The following GDI2 variants were observed in gnomAD, a reference collection of about 807,000 sequenced individuals.
GDI2 encodes the protein GDP dissociation inhibitor 2.
Under a neutral mutation model 54.2 loss-of-function variants are expected in GDI2, and 22 were observed. The observed-to-expected ratio is 0.41, with a 90% confidence interval of 0.29 to 0.58. GDI2 has a LOEUF of 0.58. Among genes scored for constraint, GDI2 ranks in the 20% least tolerant of loss-of-function variants. The probability of loss-of-function intolerance (pLI) is 0.35; values close to 1 mark genes in which losing one functional copy is unlikely to be tolerated. For missense variants in GDI2, 422 were observed against 546.0 expected (o/e 0.77, Z 2.26); for synonymous variants, 177 against 182.1 (o/e 0.97, Z 0.23).
At chr10:5,808,152 C>T (rs537301963) in intron 1 of GDI2, among the ~76,000 whole-genome samples, 5 of 152,172 alleles carry the variant, frequency 3.3e-5, no homozygotes, top group Non-Finnish European at 7.4e-5. Context: ...GCCTGGACAA[C>T]ATGGCAAAAC....
At chr10:5,812,877 C>G (rs531867477) in intron 1 of GDI2, among the ~76,000 whole-genome samples, 4 of 152,328 alleles carry the variant, frequency 2.6e-5, no homozygotes, top group African/African-American at 9.6e-5. Flanking sequence ...CGGCCCAAAC[C>G]GGGGAGCGGG....
chr10:5,794,189 ATAT>A (rs564854298), intron 4 of GDI2, among the ~76,000 whole-genome samples: 1,184 of 33,760 alleles, frequency 0.035, 13 homozygotes, highest in Non-Finnish European at 0.042. Flanking sequence ...AAAAAAAAAA[ATAT>A]ATATATATAT....
Position 5,766,389 on chromosome 10 carries a change from G to T in GDI2, c.1137-94C>A. On this transcript the variant is annotated intron_variant, in intron 9 of 10. Coordinates refer to ENST00000380191, the MANE Select transcript of GDI2 (RefSeq NM_001494.4). The surrounding 1 kb of genome is among the most constrained non-coding windows in gnomAD (Gnocchi z 5.8). ...CTGAGAGGTACAGATGAATCCCACAGAGCAGCCAGCAGCTACCTGCCTTGC... is the reference window on the plus strand; with the variant it reads ...CTGAGAGGTACAGATGAATCCCACATAGCAGCCAGCAGCTACCTGCCTTGC... The T allele has an allele frequency of 6.7e-7, 1 of 1,500,194 alleles. No homozygotes were observed. Among genetic ancestry groups the T allele is most frequent in the Non-Finnish European group, 9.3e-7 (1 of 1,076,458 alleles). 92.9% of individuals were successfully genotyped at this position (1,500,194 alleles called of 1,614,324 possible). A position where few individuals can be genotyped will look rare whatever the true frequency, so the allele number is the denominator to read the frequency against.
At chr10:5,802,753 C>A (rs184687106) in intron 1 of GDI2, among the ~76,000 whole-genome samples, 1 of 152,184 alleles carries the variant, frequency 6.6e-6, no homozygotes, top group African/African-American at 2.4e-5. Context: ...ACATTAAGAC[C>A]CACTTTACTC....
chr10:5,797,406 A>G (rs780046748), intron 2 of GDI2, among the ~76,000 whole-genome samples: 27 of 152,020 alleles, frequency 1.8e-4, no homozygotes, highest in Non-Finnish European at 3.7e-4. Flanking sequence ...TTAGCCAGGT[A>G]TGGTGGCAGA....
intron 1 of GDI2, among the ~76,000 whole-genome samples, chr10:5,808,411 C>T (rs902934502): frequency 2.0e-4 from 31 of 152,000 alleles, no homozygotes; most frequent in African/African-American, 7.3e-4. Flanking sequence ...CGGTGGCTCT[C>T]GCCTGTAATC....
chr10:5,808,800 T>C (rs1364728605), intron 1 of GDI2, among the ~76,000 whole-genome samples: 1 of 151,658 alleles, frequency 6.6e-6, no homozygotes, highest in East Asian at 1.9e-4. Flanking sequence ...AAGTGCCTTT[T>C]CAAAACTACT....
At chr10:5,803,727 C>T (rs1033764138) in intron 1 of GDI2, among the ~76,000 whole-genome samples, 1 of 151,970 alleles carries the variant, frequency 6.6e-6, no homozygotes, top group Non-Finnish European at 1.5e-5. Flanking sequence ...AGCATGAATA[C>T]ACTAAGACAA....
At position 5,800,591 on chromosome 10, in the gene GDI2, C is replaced by T. The variant is rs112406141; in HGVS notation, c.153+7G>A. On this transcript the variant is annotated splice_region_variant and intron_variant, in intron 2 of 10. Transcript: ENST00000380191. ...TGAGAGGCGTATGAAATTTGACTAA[C>T]ACTTACATCTTCCAATGGTGTTATA... is the stretch of plus-strand genomic sequence containing the variant. 955 of 1,301,468 alleles carry T rather than the reference C, an allele frequency of 7.3e-4. 6 individuals carry two copies. In the African/African-American group the frequency reaches 0.012, roughly 16 times the overall value. The allele number at this position is 1,301,468 out of a possible 1,614,324, so 80.6% of individuals were successfully genotyped here. A position where few individuals can be genotyped will look rare whatever the true frequency, so the allele number is the denominator to read the frequency against.
intron 6 of GDI2, among the ~76,000 whole-genome samples, chr10:5,783,085 G>T (rs924178073): frequency 2.6e-5 from 4 of 152,190 alleles, no homozygotes; most frequent in Non-Finnish European, 4.4e-5. Flanking sequence ...AGAGGTGGTT[G>T]CTGGGGATGG....
Position 5,766,328 on chromosome 10 carries a change from G to A in GDI2, c.1137-33C>T. On this transcript the variant is annotated intron_variant, in intron 9 of 10. Coordinates refer to ENST00000380191, the MANE Select transcript of GDI2 (RefSeq NM_001494.4). The surrounding 1 kb of genome is among the most constrained non-coding windows in gnomAD (Gnocchi z 5.8). ...GAGAGAGAATTCAGTCAGGTGAGCT[G>A]GTCCCACACCTGACCATGGCTCTGC... The A allele has an allele frequency of 6.4e-7, 1 of 1,558,342 alleles. No homozygotes were observed. The highest frequency in any genetic ancestry group is 2.2e-5 in the East Asian group (1 of 44,640).
At chr10:5,796,591 C>T (rs1017941698) in intron 3 of GDI2, among the ~76,000 whole-genome samples, 172 bp downstream of exon 3, 1 of 152,184 alleles carries the variant, frequency 6.6e-6, no homozygotes, top group Non-Finnish European at 1.5e-5. Context: ...CCCCTTCCTT[C>T]CTTTCCTAAC....
At chr10:5,804,285 G>A (rs1293643316) in intron 1 of GDI2, among the ~76,000 whole-genome samples, 3 of 152,032 alleles carry the variant, frequency 2.0e-5, no homozygotes, top group Non-Finnish European at 4.4e-5. Flanking sequence ...GTAGAGATGG[G>A]GTTTCACCGT....
chr10:5,776,590 T>G lies in GDI2; in HGVS notation c.720-2649A>C. ...AGAATGAAAGATTAAGGAAAGAAAA[T>G]AAACAACTCAAGGCTGAAAAGGGCA... On this transcript the variant is annotated intron_variant, in intron 6 of 10. Transcript: ENST00000380191. This position sits in a 1 kb window ranked among gnomAD's most constrained non-coding sequence, Gnocchi z 5.3. The G allele has an allele frequency of 6.4e-7, 1 of 1,559,342 alleles. No homozygotes were observed. Among genetic ancestry groups the G allele is most frequent in the Non-Finnish European group, 8.8e-7 (1 of 1,133,736 alleles).
chr10:5,774,558 C>T lies in GDI2; in HGVS notation c.720-617G>A, dbSNP rs1464442004. 2.0e-5 allele frequency among the ~76,000 whole-genome samples: 3 copies of T among 152,128 alleles called. No individual in the cohort carries two copies. The highest frequency in any genetic ancestry group is 2.0e-4 in the Admixed American group (3 of 15,274). ...CCCGCTTGCTAACCAATCACCGGAA[C>T]AGTTCCTCTCGGCCGCAGCGGCTCT... is the stretch of plus-strand genomic sequence containing the variant. On this transcript the variant is annotated intron_variant, in intron 6 of 10. Coordinates refer to ENST00000380191, the MANE Select transcript of GDI2 (RefSeq NM_001494.4). The surrounding 1 kb of genome is among the most constrained non-coding windows in gnomAD (Gnocchi z 4.8).
chr10:5,769,499 AGAT>A (rs1840436840), intron 7 of GDI2: 1 of 151,428 alleles, frequency 6.6e-6, no homozygotes, highest in Admixed American at 6.6e-5. Context: ...TGAATCTGGG[AGAT>A]GGAGGTTATG....
Position 5,774,065 on chromosome 10 carries a change from CAGCTT to C in GDI2, c.720-129_720-125del. 1.8e-6 allele frequency: 1 copy of C among 554,618 alleles called. No individual in the cohort carries two copies. Among genetic ancestry groups the C allele is most frequent in the Non-Finnish European group, 3.1e-6 (1 of 319,860 alleles). The allele number at this position is 554,618 out of a possible 1,614,324, so 34.4% of individuals were successfully genotyped here. On this transcript the variant is annotated intron_variant, in intron 6 of 10. Coordinates refer to ENST00000380191, the MANE Select transcript of GDI2 (RefSeq NM_001494.4). This position sits in a 1 kb window ranked among gnomAD's most constrained non-coding sequence, Gnocchi z 4.8. ...GTTCAATTTCCTTCTAGAAAGATGTCAGCTTAGAAGTGATTAAAGCAAGAAAACAG... is the reference window on the plus strand; with the variant it reads ...GTTCAATTTCCTTCTAGAAAGATGTCAGAAGTGATTAAAGCAAGAAAACAG...
Position 5,766,406 on chromosome 10 carries a change from C to G in GDI2, c.1136+88G>C. Reference sequence around the variant, plus strand: ...ATCCCACAGAGCAGCCAGCAGCTACCTGCCTTGCCCTCACATTCGTCCCAC... The same window carrying G: ...ATCCCACAGAGCAGCCAGCAGCTACGTGCCTTGCCCTCACATTCGTCCCAC... On this transcript the variant is annotated intron_variant, in intron 9 of 10. Transcript: ENST00000380191. This position sits in a 1 kb window ranked among gnomAD's most constrained non-coding sequence, Gnocchi z 5.8. 7.9e-6 allele frequency: 12 copies of G among 1,522,936 alleles called. No homozygotes were observed. The South Asian group carries it at 1.3e-4, about 17-fold the overall frequency. 94.3% of individuals were successfully genotyped at this position (1,522,936 alleles called of 1,614,324 possible).
intron 6 of GDI2, among the ~76,000 whole-genome samples, chr10:5,782,909 G>T (rs547743536): frequency 6.6e-6 from 1 of 152,236 alleles, no homozygotes; most frequent in African/African-American, 2.4e-5. Context: ...CTCCAGCCTG[G>T]GCAACAAGAG....
Sources: gnomAD v4.1 joint callset for allele counts (sites outside exome capture counted in the v4.1 genomes callset) on GRCh38, gnomAD v4.1.1 for gene constraint, Gnocchi (gnomAD v3.1) non-coding constraint, MANE v1.5 for transcripts, NCBI Gene and HGNC (gene_info 2026-07-23, HGNC 2026-07-21) for gene names.